Variants in CARM1 observed in about 807,000 individuals in gnomAD.
CARM1 encodes histone-arginine methyltransferase CARM1.
Under a neutral mutation model 72.7 loss-of-function variants are expected in CARM1, and 14 were observed. The ratio of observed to expected loss-of-function variants is 0.19; its 90% CI spans 0.13 to 0.30. CARM1 has a LOEUF of 0.30. Ranked by LOEUF, CARM1 falls within the 10% of genes least tolerant of loss-of-function variation. The pLI is 1.00. For missense variants in CARM1, 432 were observed against 833.7 expected (o/e 0.52, Z 5.93); for synonymous variants, 333 against 345.5 (o/e 0.96, Z 0.40).
intron 1 of CARM1, among the ~76,000 whole-genome samples, chr19:10,900,171 GGGT>G (rs756031906): frequency 6.6e-6 from 1 of 152,184 alleles, no homozygotes; most frequent in Non-Finnish European, 1.5e-5. Flanking sequence ...AATTAGCCAG[GGGT>G]GGTGGCATGT....
chr19:10,907,975 C>A, intron 2 of CARM1, 64 bp from the exon 3 acceptor site: 2 of 967,632 alleles, frequency 2.1e-6, no homozygotes, highest in Non-Finnish European at 3.4e-6. Context: ...CAGAACCTTC[C>A]CTCCCAGATG....
In CARM1 at chr19:10,921,114, C is replaced by T; in HGVS notation, c.1602C>T (p.Asn534=). 6.2e-7 allele frequency: 1 copy of T among 1,614,010 alleles called. No individual in the cohort carries two copies. Among genetic ancestry groups the T allele is most frequent in the South Asian group, 1.1e-5 (1 of 91,072 alleles). The change falls in exon 14 of 16, where the codon AAC becomes AAT. Residue 534 remains asparagine, a synonymous_variant. Coordinates refer to ENST00000327064, the MANE Select transcript of CARM1 (RefSeq NM_199141.2). ...GTGGCTCCAGCGTGGGCCACAACAA[C>T]CTGATTCCTTTAGGTGAGTGTCCCC... is the stretch of plus-strand genomic sequence containing the variant. ...IASGSSVGHN[N]LIPLANTGIV...
intron 1 of CARM1, among the ~76,000 whole-genome samples, chr19:10,877,882 C>T (rs928998434): frequency 1.3e-5 from 2 of 152,206 alleles, no homozygotes; most frequent in Non-Finnish European, 2.9e-5. Context: ...CACATGCCGC[C>T]ATGCCCAGCT....
At chr19:10,892,722 C>A (rs2073996799) in intron 1 of CARM1, among the ~76,000 whole-genome samples, 2 of 152,124 alleles carry the variant, frequency 1.3e-5, no homozygotes, top group Non-Finnish European at 2.9e-5. Flanking sequence ...CATTTTGTGC[C>A]TATTTTATTT....
Position 10,902,357 on chromosome 19 carries a change from G to C in CARM1, c.221-2594G>C, listed in dbSNP as rs143698982. 5.6e-4 allele frequency among the ~76,000 whole-genome samples: 77 copies of C among 138,082 alleles called. 1 individual carries two copies. The East Asian group carries it at 0.015, about 27-fold the overall frequency. The allele number at this position is 138,082 out of a possible 152,430, so 90.6% of individuals were successfully genotyped here. A position where few individuals can be genotyped will look rare whatever the true frequency, so the allele number is the denominator to read the frequency against. ...TGCCCAGGCTGGAGTACAGTGGTGTGATCTTGGCTCACTGCAAGCTCCACC... is the reference window on the plus strand; with the variant it reads ...TGCCCAGGCTGGAGTACAGTGGTGTCATCTTGGCTCACTGCAAGCTCCACC... On this transcript the variant is annotated intron_variant, in intron 1 of 15. Coordinates refer to ENST00000327064, the MANE Select transcript of CARM1 (RefSeq NM_199141.2).
intron 1 of CARM1, among the ~76,000 whole-genome samples, chr19:10,880,177 G>A (rs1283552705): frequency 1.3e-5 from 2 of 152,186 alleles, no homozygotes; most frequent in African/African-American, 4.8e-5. Context: ...TGCTTCTAAG[G>A]TCTGCTGGAG....
At chr19:10,907,951 G>C in intron 2 of CARM1, 88 bp from the exon 3 acceptor site, 1 of 787,086 alleles carries the variant, frequency 1.3e-6, no homozygotes. Context: ...GAAACGTCAG[G>C]ACATACGGCC....
At chr19:10,872,727 A>AC (rs1320809360) in intron 1 of CARM1, among the ~76,000 whole-genome samples, 1 of 150,522 alleles carries the variant, frequency 6.6e-6, no homozygotes, top group South Asian at 2.1e-4. Flanking sequence ...AGCACCCCCC[A>AC]CCCCCGCTCC....
At chr19:10,919,750 G>A (rs1291011958) in intron 9 of CARM1, 70 bp downstream of exon 9, 31 of 1,525,120 alleles carry the variant, frequency 2.0e-5, no homozygotes, top group Admixed American at 1.9e-4. Context: ...CCTGGCTCCC[G>A]CCGGCATCCT....
intron 1 of CARM1, among the ~76,000 whole-genome samples, chr19:10,892,266 G>A (rs2073993761): frequency 6.6e-6 from 1 of 152,230 alleles, no homozygotes; most frequent in African/African-American, 2.4e-5. Flanking sequence ...CCCTGCAAAG[G>A]GATTTCTGGG....
At chr19:10,911,467 A>G (rs1400245113) in intron 4 of CARM1, among the ~76,000 whole-genome samples, 2 of 152,204 alleles carry the variant, frequency 1.3e-5, no homozygotes, top group Non-Finnish European at 2.9e-5. Context: ...CTGCTCCCCA[A>G]GGATGGAGAT....
At chr19:10,908,013 C>T (rs758570768) in intron 2 of CARM1, 26 bp from the exon 3 acceptor site, 5 of 1,522,600 alleles carry the variant, frequency 3.3e-6, no homozygotes, top group East Asian at 2.2e-5. Context: ...TGACCGCCCC[C>T]CGGTGACTTG....
At chr19:10,891,072 C>T (rs969081773) in intron 1 of CARM1, among the ~76,000 whole-genome samples, 2 of 150,728 alleles carry the variant, frequency 1.3e-5, no homozygotes, top group African/African-American at 2.4e-5. Flanking sequence ...CAGGGCCAGA[C>T]ACTTGTTCTG....
intron 6 of CARM1, 84 bp downstream of exon 6, chr19:10,914,138 C>G (rs1453825021): frequency 3.0e-6 from 4 of 1,350,974 alleles, no homozygotes; most frequent in Non-Finnish European, 3.0e-6. Context: ...CTTCAGCTCC[C>G]TGCTTACTGT....
chr19:10,913,581 A>G (rs2074171442), intron 5 of CARM1, among the ~76,000 whole-genome samples: 1 of 151,542 alleles, frequency 6.6e-6, no homozygotes, highest in Non-Finnish European at 1.5e-5. Context: ...TATTTTTAGT[A>G]GAGACAGGGT....
In CARM1 at chr19:10,919,925, C is replaced by T. The variant is rs754625455; in HGVS notation, c.1155C>T (p.His385=). The change falls in exon 10 of 16, where the codon CAC becomes CAT. Residue 385 remains histidine, a synonymous_variant. Coordinates refer to ENST00000327064, the MANE Select transcript of CARM1 (RefSeq NM_199141.2). ...ACATGCTGCATTCAGGGCTGGTCCA[C>T]GGCCTGGCTTTCTGGTTTGACGTTG... The part of the protein sequence containing the change: ...KFHMLHSGLV[H]GLAFWFDVAF... 6 of 1,614,146 alleles carry T rather than the reference C, an allele frequency of 3.7e-6. No homozygotes were observed. Among genetic ancestry groups the T allele is most frequent in the South Asian group, 2.2e-5 (2 of 91,090 alleles).
chr19:10,921,574 C>T (rs376686642), intron 15 of CARM1, 41 bp from the exon 16 acceptor site: 280 of 1,582,774 alleles, frequency 1.8e-4, no homozygotes, highest in South Asian at 3.1e-4. Flanking sequence ...GGGGGCTGGG[C>T]GGGCCAGGGC....
chr19:10,887,066 G>T (rs1373273952), intron 1 of CARM1, among the ~76,000 whole-genome samples: 1 of 152,196 alleles, frequency 6.6e-6, no homozygotes, highest in Non-Finnish European at 1.5e-5. Context: ...TTGTATAAGA[G>T]GAAACTGAGG....
At chr19:10,889,856 A>G (rs1312587213) in intron 1 of CARM1, among the ~76,000 whole-genome samples, 1 of 152,182 alleles carries the variant, frequency 6.6e-6, no homozygotes, top group African/African-American at 2.4e-5. Flanking sequence ...CATTTTAAGG[A>G]AACCTTGCCC....
Sources: allele counts gnomAD v4.1 joint callset (sites outside exome capture counted in the v4.1 genomes callset), GRCh38; gene constraint gnomAD v4.1.1; transcripts MANE v1.5; gene names NCBI Gene and HGNC (gene_info 2026-07-23, HGNC 2026-07-21).